Variants in MYO9A observed in about 807,000 individuals in gnomAD.
MYO9A encodes myosin IXA.
In MYO9A, 103 loss-of-function variants were observed where a neutral mutation model predicts 293.3. The ratio of observed to expected loss-of-function variants is 0.35; its 90% CI spans 0.30 to 0.41. MYO9A has a LOEUF of 0.41. MYO9A is among the 10% of genes least tolerant of loss of function. The probability of loss-of-function intolerance (pLI) is 1.00; values close to 1 mark genes in which losing one functional copy is unlikely to be tolerated. For synonymous variants in MYO9A, 1,001 were observed against 1,035.7 expected, an observed-to-expected ratio of 0.97 and a Z score of 0.64; for missense variants, 2,685 against 3,033.0, an observed-to-expected ratio of 0.89 and a Z score of 2.69.
intron 19 of MYO9A, among the ~76,000 whole-genome samples, 173 bp downstream of exon 19, chr15:71,916,197 C>T (rs2058006703): frequency 6.6e-6 from 1 of 151,814 alleles, no homozygotes; most frequent in Non-Finnish European, 1.5e-5. Context: ...ACAAAGGCAT[C>T]TGACTTTTTT....
At chr15:71,880,250 T>C in intron 29 of MYO9A, 85 bp downstream of exon 29, 1 of 1,157,598 alleles carries the variant, frequency 8.6e-7, no homozygotes. Flanking sequence ...TATGTAATTT[T>C]GATATCTAGA....
In MYO9A at chr15:71,876,643, C is replaced by G. The variant is rs188750095; in HGVS notation, c.5932-805G>C. Reference sequence around the variant, plus strand: ...TAGAGACGGGGTTTCACTATGTTGGCCAGTCTGGTCTCGATCTCCCGACCT... The same window carrying G: ...TAGAGACGGGGTTTCACTATGTTGGGCAGTCTGGTCTCGATCTCCCGACCT... On this transcript the variant is annotated intron_variant, in intron 31 of 41. Coordinates refer to ENST00000356056, the MANE Select transcript of MYO9A (RefSeq NM_006901.4). 1.2e-3 allele frequency among the ~76,000 whole-genome samples: 188 copies of G among 151,122 alleles called. 1 individual carries two copies. Among genetic ancestry groups the G allele is most frequent in the Non-Finnish European group, 7.8e-4 (53 of 67,776 alleles).
intron 6 of MYO9A, among the ~76,000 whole-genome samples, chr15:72,010,823 G>C (rs954182064): frequency 6.6e-6 from 1 of 152,032 alleles, no homozygotes; most frequent in Non-Finnish European, 1.5e-5. Flanking sequence ...AATTCTACCA[G>C]CAAATACTAT....
chr15:71,943,525 A>G (rs565812316), intron 15 of MYO9A, among the ~76,000 whole-genome samples: 6 of 152,258 alleles, frequency 3.9e-5, no homozygotes, highest in East Asian at 1.9e-4. Context: ...ACATGTAATT[A>G]AACATTTTTA....
chr15:72,113,028 T>A (rs1435460697), intron 1 of MYO9A, among the ~76,000 whole-genome samples: 6 of 152,184 alleles, frequency 3.9e-5, no homozygotes, highest in Non-Finnish European at 1.5e-5. Context: ...TCCAGGAGTT[T>A]AAGACCAGCC....
intron 8 of MYO9A, among the ~76,000 whole-genome samples, chr15:72,003,592 T>C (rs1157404560): frequency 6.6e-6 from 1 of 150,926 alleles, no homozygotes; most frequent in Non-Finnish European, 1.5e-5. Context: ...TAGTCCCAGC[T>C]ATTCGGGAAG....
intron 1 of MYO9A, among the ~76,000 whole-genome samples, chr15:72,050,773 C>T (rs542200341): frequency 2.9e-4 from 44 of 152,214 alleles, no homozygotes; most frequent in African/African-American, 9.9e-4. Context: ...TATTTGGGAA[C>T]TCACTTTCTA....
intron 1 of MYO9A, among the ~76,000 whole-genome samples, chr15:72,103,870 A>T (rs1184507316): frequency 6.6e-6 from 1 of 152,170 alleles, no homozygotes; most frequent in African/African-American, 2.4e-5. Flanking sequence ...CTGAGGGGGG[A>T]TATGTTGACA....
At chr15:72,070,491 T>C (rs1387575178) in intron 1 of MYO9A, among the ~76,000 whole-genome samples, 1 of 150,966 alleles carries the variant, frequency 6.6e-6, no homozygotes, top group African/African-American at 2.4e-5. Flanking sequence ...GGCCTCAATC[T>C]ACGGGTTAAT....
chr15:71,857,239 G>C (rs1379703246), intron 34 of MYO9A, among the ~76,000 whole-genome samples: 1 of 151,950 alleles, frequency 6.6e-6, no homozygotes. Flanking sequence ...GAAATGAAGA[G>C]ACAAATTAAT....
chr15:71,856,200 A>C (rs533170948), intron 34 of MYO9A, among the ~76,000 whole-genome samples: 10 of 151,962 alleles, frequency 6.6e-5, no homozygotes, highest in Non-Finnish European at 1.3e-4. Context: ...AATCCCAGCT[A>C]CTCAGGAGGC....
Position 72,027,863 on chromosome 15 carries a change from C to G in MYO9A, c.936-70G>C, listed in dbSNP as rs527546067. On this transcript the variant is annotated intron_variant, in intron 3 of 41. Coordinates refer to ENST00000356056, the MANE Select transcript of MYO9A (RefSeq NM_006901.4). The stretch of plus-strand genomic sequence containing the variant: ...TATAAGGCAGAAAAATATTTGGAGA[C>G]AGTGTAAAAGTATAAAGAATACTAT... 1.4e-4 allele frequency: 160 copies of G among 1,159,318 alleles called. 2 individuals carry two copies. In the South Asian group the frequency reaches 2.1e-3, roughly 15 times the overall value. 71.8% of individuals were successfully genotyped at this position (1,159,318 alleles called of 1,614,324 possible).
At chr15:72,033,863 C>T (rs2077954948) in intron 2 of MYO9A, among the ~76,000 whole-genome samples, 1 of 152,164 alleles carries the variant, frequency 6.6e-6, no homozygotes, top group Non-Finnish European at 1.5e-5. Context: ...TGAGCAATCA[C>T]ATTATACTTG....
intron 18 of MYO9A, among the ~76,000 whole-genome samples, chr15:71,919,158 T>C (rs890360192): frequency 6.6e-6 from 1 of 152,178 alleles, no homozygotes. Context: ...AAAAATAACC[T>C]CCTGCAGTGC....
chr15:71,873,884 A>G (rs976428613), intron 32 of MYO9A, among the ~76,000 whole-genome samples: 5 of 152,190 alleles, frequency 3.3e-5, no homozygotes, highest in Non-Finnish European at 7.3e-5. Flanking sequence ...ATCTGTTAGT[A>G]AGAGGTTCTC....
chr15:72,003,778 T>G (rs151060888), intron 8 of MYO9A, among the ~76,000 whole-genome samples: 1 of 150,378 alleles, frequency 6.6e-6, no homozygotes, highest in Non-Finnish European at 1.5e-5. Context: ...TAGAAAAACA[T>G]AGATCATCCA....
At chr15:71,923,906 T>C (rs2058221103) in intron 18 of MYO9A, among the ~76,000 whole-genome samples, 1 of 152,176 alleles carries the variant, frequency 6.6e-6, no homozygotes, top group Non-Finnish European at 1.5e-5. Flanking sequence ...TGTTCTCATT[T>C]TTCCTAGTTC....
intron 4 of MYO9A, among the ~76,000 whole-genome samples, chr15:72,026,499 G>T (rs2077678782): frequency 6.7e-6 from 1 of 150,332 alleles, no homozygotes; most frequent in South Asian, 2.1e-4. Context: ...ATATAAAAAA[G>T]ATCTCAAATC....
In MYO9A at chr15:71,880,419, A is replaced by C. The variant is rs775277188; in HGVS notation, c.5538T>G (p.Asp1846Glu). Residue 1846 changes from aspartate (D) to glutamate (E), a missense_variant, in exon 29 of 42, where the codon GAT (aspartate) becomes GAG (glutamate). Asp to Glu is a conservative substitution (Grantham distance 45). Around this residue, in one of 10 missense-constraint regions of MYO9A, gnomAD observed 1,434 missense variants for 1,497.7 expected, o/e 0.96. Transcript: ENST00000356056. ...CAGAGTCATTTTGCCAATGCATAGA[A>C]TCCAAAGCCACGTTGCTAATCTTCA... is the stretch of plus-strand genomic sequence containing the variant. ...RSVKISNVAL[D>E]SMHWQNDSVQ... 8 of 1,614,090 alleles carry C rather than the reference A, an allele frequency of 5.0e-6. No homozygotes were observed. The African/African-American group carries it at 8.0e-5, about 16-fold the overall frequency.
Sources: allele counts gnomAD v4.1 joint callset (sites outside exome capture counted in the v4.1 genomes callset), GRCh38; gene constraint gnomAD v4.1.1; regional missense constraint gnomAD v4.1.1; transcripts MANE v1.5; gene names NCBI Gene and HGNC (gene_info 2026-07-23, HGNC 2026-07-21).